Variants in UGT1A8 observed in about 807,000 individuals in gnomAD.
UGT1A8 encodes the protein UDP-glucuronosyltransferase 1A8.
In UGT1A8, 39 loss-of-function variants were observed where a neutral mutation model predicts 45.3. That is an observed-to-expected ratio of 0.86 (90% CI 0.67 to 1.12). The LOEUF (loss-of-function observed/expected upper bound fraction) is 1.12, where lower values mean the gene tolerates loss of function less well. Among genes scored for constraint, UGT1A8 ranks in the 50% most tolerant of loss-of-function variants. The pLI is 0.00. For missense variants in UGT1A8, 719 were observed against 664.9 expected (o/e 1.08, Z -0.90); for synonymous variants, 275 against 249.2 (o/e 1.10, Z -0.97).
At position 233,663,454 on chromosome 2, in the gene UGT1A8, A is replaced by T. The variant is rs1387386194; in HGVS notation, c.855+44892A>T. On this transcript the variant is annotated intron_variant, in intron 1 of 4. Transcript: ENST00000373450. ...TCAGTTCCTGGGTGGGGGCCACAAG[A>T]GCAGATGAGCCAGTTTATTGATCTG... is the stretch of plus-strand genomic sequence containing the variant. Among the ~76,000 whole-genome samples the T allele has an allele frequency of 1.3e-5, 2 of 152,046 alleles. 1 individual carries two copies. The highest frequency in any genetic ancestry group is 2.9e-5 in the Non-Finnish European group (2 of 68,004).
intron 1 of UGT1A8, among the ~76,000 whole-genome samples, chr2:233,695,066 C>T (rs575360718): frequency 6.6e-6 from 1 of 152,092 alleles, no homozygotes; most frequent in African/African-American, 2.4e-5. Flanking sequence ...TGTGCTATCG[C>T]ACTTTGGACT....
intron 1 of UGT1A8, chr2:233,690,760 T>TACACAC: frequency 1.1e-6 from 1 of 905,432 alleles, no homozygotes; most frequent in Non-Finnish European, 1.3e-6. Context: ...AGTGCAGACA[T>TACACAC]ACACACACAC....
chr2:233,627,653 C>CTTCCTTCT (rs2073111503), intron 1 of UGT1A8, among the ~76,000 whole-genome samples: 2 of 148,566 alleles, frequency 1.3e-5, no homozygotes, highest in Admixed American at 6.8e-5. Flanking sequence ...TCCTTCCTTC[C>CTTCCTTCT]TTCCTTCCTT....
chr2:233,716,848 A>C (rs28898605), intron 1 of UGT1A8, among the ~76,000 whole-genome samples: 37 of 152,046 alleles, frequency 2.4e-4, no homozygotes, highest in African/African-American at 7.7e-4. Flanking sequence ...TTCAGCTACC[A>C]CATATGCTGA....
At chr2:233,636,355 T>A in intron 1 of UGT1A8, 1 of 1,192,740 alleles carries the variant, frequency 8.4e-7, no homozygotes, top group Non-Finnish European at 1.1e-6. Flanking sequence ...TACTCGTGTG[T>A]TATCGTTCTT....
intron 1 of UGT1A8, among the ~76,000 whole-genome samples, chr2:233,717,599 A>T (rs1437160021): frequency 6.6e-6 from 1 of 152,232 alleles, no homozygotes; most frequent in African/African-American, 2.4e-5. Flanking sequence ...TGAGATGGAA[A>T]GTGGGCACAG....
At chr2:233,760,016 C>G (rs1456599640) in intron 1 of UGT1A8, among the ~76,000 whole-genome samples, 1 of 152,148 alleles carries the variant, frequency 6.6e-6, no homozygotes, top group African/African-American at 2.4e-5. Flanking sequence ...TTTAATGGAT[C>G]CTGAGGTTCT....
chr2:233,712,808 G>A (rs1409482775), intron 1 of UGT1A8, among the ~76,000 whole-genome samples: 1 of 152,192 alleles, frequency 6.6e-6, no homozygotes, highest in Non-Finnish European at 1.5e-5. Context: ...CTTTCCCAGG[G>A]TGGGGCCCAT....
chr2:233,724,527 T>C (rs2077276576), intron 1 of UGT1A8, among the ~76,000 whole-genome samples: 1 of 105,076 alleles, frequency 9.5e-6, no homozygotes, highest in Non-Finnish European at 1.9e-5. Flanking sequence ...AGATGGGGTC[T>C]CGCCGGGCAG....
chr2:233,719,308 A>C, intron 1 of UGT1A8: 1 of 1,613,974 alleles, frequency 6.2e-7, no homozygotes, highest in Non-Finnish European at 8.5e-7. Context: ...GTGCTGGCTA[A>C]GTACCTGTCG....
intron 1 of UGT1A8, among the ~76,000 whole-genome samples, chr2:233,757,709 C>T (rs1363556307): frequency 2.0e-5 from 3 of 151,302 alleles, no homozygotes; most frequent in Admixed American, 6.6e-5. Context: ...CTTTGCTTCC[C>T]GGGAGGGTCC....
At chr2:233,660,041 C>A (rs545899328) in intron 1 of UGT1A8, among the ~76,000 whole-genome samples, 1 of 152,282 alleles carries the variant, frequency 6.6e-6, no homozygotes, top group Admixed American at 6.5e-5. Context: ...GTTTTTCTTG[C>A]CTGCCATATC....
chr2:233,693,584 A>G (rs779489251), intron 1 of UGT1A8: 1 of 1,614,184 alleles, frequency 6.2e-7, no homozygotes, highest in Non-Finnish European at 8.5e-7. Flanking sequence ...CTACATTCCC[A>G]GGTGCTACAC....
chr2:233,703,111 T>C (rs2075722955), intron 1 of UGT1A8, among the ~76,000 whole-genome samples: 1 of 152,236 alleles, frequency 6.6e-6, no homozygotes, highest in Admixed American at 6.5e-5. Flanking sequence ...AAATTACTAA[T>C]TTAATCTTTT....
chr2:233,725,184 GCA>G lies in UGT1A8; in HGVS notation c.856-41849_856-41848del, dbSNP rs1575560324. ...CATGAGAGGGAGACCGTGGGGAGAG[GCA>G]GAGGCAGAGGCAGAGGCAGAGGCAG... On this transcript the variant is annotated intron_variant, in intron 1 of 4. Transcript: ENST00000373450. Among the ~76,000 whole-genome samples, 4 of 89,466 alleles carry G rather than the reference GCA, an allele frequency of 4.5e-5. 2 individuals are homozygous for G. The highest frequency in any genetic ancestry group is 1.9e-4 in the Admixed American group (2 of 10,264). 58.7% of individuals were successfully genotyped at this position (89,466 alleles called of 152,430 possible).
At chr2:233,729,993 G>C in intron 1 of UGT1A8, 4 of 1,613,886 alleles carry the variant, frequency 2.5e-6, no homozygotes, top group Non-Finnish European at 3.4e-6. Context: ...CACTATCTCA[G>C]GTCTGTATTG....
Position 233,617,993 on chromosome 2 carries a change from G to A in UGT1A8, c.286G>A (p.Ala96Thr). The change falls in exon 1 of 5, where the codon GCT becomes ACT. Residue 96 changes from alanine (A) to threonine (T), a missense_variant. Physicochemically the swap from Ala to Thr is moderately conservative, Grantham distance 58 (BLOSUM62 0). Coordinates refer to ENST00000373450, the MANE Select transcript of UGT1A8 (RefSeq NM_019076.5). Reference sequence around the variant, plus strand: ...CCGGGAATTCATGGATTTCGCCGATGCTCAATGGAAAGCACAAGTACGAAG... The same window carrying A: ...CCGGGAATTCATGGATTTCGCCGATACTCAATGGAAAGCACAAGTACGAAG... Reference protein sequence around the residue: ...LDREFMDFADAQWKAQVRSLF... With the variant: ...LDREFMDFADTQWKAQVRSLF... The A allele has an allele frequency of 2.5e-6, 4 of 1,614,204 alleles. No individual in the cohort carries two copies. Among genetic ancestry groups the A allele is most frequent in the Non-Finnish European group, 3.4e-6 (4 of 1,180,044 alleles).
At chr2:233,764,199 A>T (rs1193982268) in intron 1 of UGT1A8, among the ~76,000 whole-genome samples, 1 of 152,170 alleles carries the variant, frequency 6.6e-6, no homozygotes, top group Non-Finnish European at 1.5e-5. Flanking sequence ...GGGGCATCTC[A>T]TCTTTTCTTT....
intron 1 of UGT1A8, among the ~76,000 whole-genome samples, chr2:233,724,167 C>T (rs1161532135): frequency 7.9e-6 from 1 of 127,032 alleles, no homozygotes; most frequent in Non-Finnish European, 1.6e-5. Context: ...GGGGCTGACC[C>T]CCCCATCTCC....
Sources: gnomAD v4.1 joint callset for allele counts (sites outside exome capture counted in the v4.1 genomes callset) on GRCh38, gnomAD v4.1.1 for gene constraint, MANE v1.5 for transcripts, NCBI Gene and HGNC (gene_info 2026-07-23, HGNC 2026-07-21) for gene names.